Variants in CADM1 observed in about 807,000 individuals in gnomAD.
CADM1 encodes TSLC-1.
A neutral mutation model predicts 53.1 loss-of-function variants in CADM1; 15 were observed. That is an observed-to-expected ratio of 0.28 (90% CI 0.19 to 0.44). The LOEUF is 0.44. Among genes scored for constraint, CADM1 ranks in the 20% least tolerant of loss-of-function variants. The pLI is 1.00. For missense variants in CADM1, 434 were observed against 611.3 expected, an observed-to-expected ratio of 0.71 and a Z score of 3.06; for synonymous variants, 281 against 243.0, an observed-to-expected ratio of 1.16 and a Z score of -1.45.
chr11:115,350,565 T>G (rs1187442189), intron 1 of CADM1, among the ~76,000 whole-genome samples: 1 of 148,360 alleles, frequency 6.7e-6, no homozygotes, highest in Non-Finnish European at 1.5e-5. Flanking sequence ...TATTTAAACA[T>G]CAAATAGGAA....
intron 1 of CADM1, among the ~76,000 whole-genome samples, chr11:115,300,394 G>A (rs1447627707): frequency 6.6e-6 from 1 of 152,092 alleles, no homozygotes; most frequent in Non-Finnish European, 1.5e-5. Context: ...ACAGGAGTGT[G>A]TTTACTCACA....
intron 3 of CADM1, among the ~76,000 whole-genome samples, chr11:115,233,569 A>G (rs1941902100): frequency 6.6e-6 from 1 of 152,218 alleles, no homozygotes; most frequent in Non-Finnish European, 1.5e-5. Flanking sequence ...TATTATAGGA[A>G]TATTTTTTAC....
intron 3 of CADM1, among the ~76,000 whole-genome samples, chr11:115,236,396 A>G (rs1474306271): frequency 2.6e-5 from 4 of 152,206 alleles, no homozygotes; most frequent in Admixed American, 6.5e-5. Flanking sequence ...AATTAAATGG[A>G]AAGAATATTA....
intron 9 of CADM1, among the ~76,000 whole-genome samples, chr11:115,193,624 A>T (rs927426750): frequency 6.6e-5 from 10 of 152,206 alleles, no homozygotes; most frequent in African/African-American, 2.4e-4. Flanking sequence ...AAAAAATTAG[A>T]AACAGTAAGA....
chr11:115,468,755 A>G (rs1032426421), intron 1 of CADM1, among the ~76,000 whole-genome samples: 18 of 152,238 alleles, frequency 1.2e-4, no homozygotes, highest in Admixed American at 6.5e-4. Flanking sequence ...TGATACCTGT[A>G]TTAGTCTGTT....
chr11:115,416,056 T>C (rs1279316789), intron 1 of CADM1, among the ~76,000 whole-genome samples: 1 of 152,104 alleles, frequency 6.6e-6, no homozygotes, highest in Non-Finnish European at 1.5e-5. Flanking sequence ...AAAACTTCAA[T>C]TCATTATTAT....
At chr11:115,444,603 A>G (rs2135333109) in intron 1 of CADM1, among the ~76,000 whole-genome samples, 1 of 152,348 alleles carries the variant, frequency 6.6e-6, no homozygotes, top group Non-Finnish European at 1.5e-5. Context: ...CACTTCATTC[A>G]GGTTCCATAG....
chr11:115,483,722 T>C (rs570537769), intron 1 of CADM1, among the ~76,000 whole-genome samples: 2 of 152,212 alleles, frequency 1.3e-5, no homozygotes, highest in Non-Finnish European at 2.9e-5. Flanking sequence ...TAAATGTTTT[T>C]TAGTCTAGAG....
intron 10 of CADM1, among the ~76,000 whole-genome samples, chr11:115,186,522 G>A (rs1171510082): frequency 6.6e-6 from 1 of 152,130 alleles, no homozygotes; most frequent in East Asian, 1.9e-4. Flanking sequence ...GGGGAAAGGT[G>A]GCCCCTGCAA....
At chr11:115,478,813 T>C (rs1039896635) in intron 1 of CADM1, among the ~76,000 whole-genome samples, 2 of 152,156 alleles carry the variant, frequency 1.3e-5, no homozygotes, top group East Asian at 3.8e-4. Context: ...CACCTACTGA[T>C]ACACCCTGGA....
intron 1 of CADM1, among the ~76,000 whole-genome samples, chr11:115,325,623 T>C (rs1303541887): frequency 6.6e-6 from 1 of 152,184 alleles, no homozygotes. Flanking sequence ...GCTCTCATTT[T>C]TGAAGCTTTG....
rs1591647497 is a variant in CADM1 at position 115,256,608 on chromosome 11, T to A, written c.125-16188A>T. Among the ~76,000 whole-genome samples the A allele has an allele frequency of 3.9e-5, 6 of 152,316 alleles. No individual in the cohort carries two copies. The South Asian group carries it at 1.2e-3, about 32-fold the overall frequency. ...TGTGGGGGAGGTTCTTTCCTATCAC[T>A]CTGAAAATTTATATACCTAGGACTT... On this transcript the variant is annotated intron_variant, in intron 1 of 11. Coordinates refer to ENST00000331581, the MANE Select transcript of CADM1 (RefSeq NM_001301043.2).
chr11:115,404,844 GAAAAAAA>G (rs774430187), intron 1 of CADM1, among the ~76,000 whole-genome samples: 2 of 52,348 alleles, frequency 3.8e-5, no homozygotes, highest in South Asian at 6.7e-4. Context: ...CCTGCCTCAG[GAAAAAAA>G]AAAAAAAAAA....
chr11:115,235,419 C>A (rs1941978268), intron 3 of CADM1, among the ~76,000 whole-genome samples: 3 of 152,106 alleles, frequency 2.0e-5, no homozygotes, highest in Admixed American at 6.5e-5. Context: ...GCATGGTCCA[C>A]TAAACAGGCA....
At chr11:115,332,680 G>C (rs1159362041) in intron 1 of CADM1, among the ~76,000 whole-genome samples, 1 of 152,108 alleles carries the variant, frequency 6.6e-6, no homozygotes, top group Non-Finnish European at 1.5e-5. Context: ...GATTATAGGG[G>C]AGTACCCTTA....
At chr11:115,474,408 T>C (rs188588581) in intron 1 of CADM1, among the ~76,000 whole-genome samples, 1 of 151,900 alleles carries the variant, frequency 6.6e-6, no homozygotes, top group Admixed American at 6.6e-5. Flanking sequence ...TAGTCATTTA[T>C]TGCAGCACTA....
At chr11:115,497,496 C>T (rs964747462) in intron 1 of CADM1, among the ~76,000 whole-genome samples, 1 of 152,164 alleles carries the variant, frequency 6.6e-6, no homozygotes, top group Non-Finnish European at 1.5e-5. Flanking sequence ...CTACATCGCC[C>T]TTTTTTCTAA....
At chr11:115,503,531 C>G (rs929852366) in intron 1 of CADM1, among the ~76,000 whole-genome samples, 2 of 152,076 alleles carry the variant, frequency 1.3e-5, no homozygotes, top group Admixed American at 6.5e-5. Flanking sequence ...GGGCTCCCGG[C>G]GCCTTCCCGC....
chr11:115,268,669 T>C (rs1943211840), intron 1 of CADM1, among the ~76,000 whole-genome samples: 1 of 152,220 alleles, frequency 6.6e-6, no homozygotes, highest in East Asian at 1.9e-4. Context: ...CTTTGCTTTC[T>C]TGATGAAACT....
Sources: allele counts gnomAD v4.1 joint callset (sites outside exome capture counted in the v4.1 genomes callset), GRCh38; gene constraint gnomAD v4.1.1; transcripts MANE v1.5; gene names NCBI Gene and HGNC (gene_info 2026-07-23, HGNC 2026-07-21).